The following PTPRD variants were observed in gnomAD, a reference collection of about 807,000 sequenced individuals.
The protein encoded by PTPRD is protein tyrosine phosphatase receptor type D.
A neutral mutation model predicts 214.5 loss-of-function variants in PTPRD; 34 were observed. The ratio of observed to expected loss-of-function variants is 0.16; its 90% CI spans 0.12 to 0.21. The LOEUF is 0.21. Ranked by LOEUF, PTPRD falls within the 10% of genes least tolerant of loss-of-function variation. The pLI, the probability that PTPRD is intolerant of heterozygous loss-of-function variation, is 1.00. For synonymous variants in PTPRD, 1,128 were observed against 845.7 expected (o/e 1.33, Z -5.79); for missense variants, 2,545 against 2,398.7 (o/e 1.06, Z -1.27).
At chr9:9,658,751 G>C (rs1015601329) in intron 7 of PTPRD, among the ~76,000 whole-genome samples, 5 of 152,114 alleles carry the variant, frequency 3.3e-5, no homozygotes, top group African/African-American at 1.2e-4. Context: ...GGCCGGCACT[G>C]CTGGGAAATC....
At position 10,226,495 on chromosome 9, in the gene PTPRD, G is replaced by T. The variant is rs187913299; in HGVS notation, c.-545+114468C>A. Among the ~76,000 whole-genome samples, 4 of 152,156 alleles carry T rather than the reference G, an allele frequency of 2.6e-5. No homozygotes were observed. The East Asian group carries it at 7.8e-4, about 30-fold the overall frequency. On this transcript the variant is annotated intron_variant, in intron 3 of 45. Coordinates refer to ENST00000381196, the MANE Select transcript of PTPRD (RefSeq NM_002839.4). ...AGATCCAGAGACAGAGAGGCTGCAT[G>T]AGGTGAAGCAGTGCAGGAATGAGGC... is the stretch of plus-strand genomic sequence containing the variant.
At chr9:8,752,817 A>G (rs10815931) in intron 11 of PTPRD, among the ~76,000 whole-genome samples, 97,688 of 152,018 alleles carry the variant, frequency 0.64, 31,857 homozygotes, top group Middle Eastern at 0.74. Context: ...CAGCAGAACC[A>G]CCAAGTTGAG....
chr9:8,462,582 T>C (rs1008413413), intron 32 of PTPRD, among the ~76,000 whole-genome samples: 3 of 152,138 alleles, frequency 2.0e-5, no homozygotes, highest in South Asian at 4.1e-4. Context: ...GGCTTCTTGC[T>C]ACTACTCCCT....
At chr9:8,433,797 T>C (rs974342602) in intron 35 of PTPRD, among the ~76,000 whole-genome samples, 4 of 152,188 alleles carry the variant, frequency 2.6e-5, no homozygotes, top group African/African-American at 4.8e-5. Flanking sequence ...TAATCTACTA[T>C]TGAAATAAAC....
chr9:9,097,909 G>A (rs1225447682), intron 10 of PTPRD, among the ~76,000 whole-genome samples: 2 of 152,198 alleles, frequency 1.3e-5, no homozygotes, highest in Admixed American at 6.5e-5. Flanking sequence ...CAATAAAGAT[G>A]TTTCCCTTTG....
intron 11 of PTPRD, among the ~76,000 whole-genome samples, chr9:8,927,983 T>A (rs1310886512): frequency 1.3e-5 from 2 of 152,344 alleles, no homozygotes; most frequent in East Asian, 3.9e-4. Context: ...TTTTCATATT[T>A]GTTGGCCACA....
At chr9:9,878,390 G>T (rs2067548713) in intron 5 of PTPRD, among the ~76,000 whole-genome samples, 1 of 152,126 alleles carries the variant, frequency 6.6e-6, no homozygotes, top group Non-Finnish European at 1.5e-5. Context: ...AGCTATCGTG[G>T]GAGAATTATA....
At chr9:8,351,098 G>A (rs2075316769) in intron 39 of PTPRD, among the ~76,000 whole-genome samples, 1 of 152,086 alleles carries the variant, frequency 6.6e-6, no homozygotes, top group Non-Finnish European at 1.5e-5. Flanking sequence ...ATAAACTATG[G>A]TATATCAATA....
chr9:8,615,127 G>A (rs148198276), intron 14 of PTPRD, among the ~76,000 whole-genome samples: 276 of 152,184 alleles, frequency 1.8e-3, no homozygotes, highest in African/African-American at 6.2e-3. Flanking sequence ...ACTCAGCTTA[G>A]CCACTGAAGC....
At chr9:8,805,593 T>G (rs138350030) in intron 11 of PTPRD, among the ~76,000 whole-genome samples, 1,590 of 151,868 alleles carry the variant, frequency 0.01, 26 homozygotes, top group African/African-American at 0.037. Context: ...CAATTTTTAT[T>G]TTTTATTATT....
intron 2 of PTPRD, among the ~76,000 whole-genome samples, chr9:10,523,608 T>C (rs1590039229): frequency 1.1e-5 from 1 of 92,558 alleles, no homozygotes; most frequent in Admixed American, 1.4e-4. Flanking sequence ...TCTGTATATA[T>C]ATATATATAT....
intron 11 of PTPRD, among the ~76,000 whole-genome samples, chr9:8,986,412 T>G (rs979106208): frequency 6.6e-6 from 1 of 151,882 alleles, no homozygotes; most frequent in Non-Finnish European, 1.5e-5. Flanking sequence ...TTGTTTTCAT[T>G]TTGTATAATT....
At chr9:9,695,184 C>T (rs2097349643) in intron 7 of PTPRD, among the ~76,000 whole-genome samples, 1 of 152,066 alleles carries the variant, frequency 6.6e-6, no homozygotes, top group African/African-American at 2.4e-5. Flanking sequence ...ATGAATCTTG[C>T]CAGGACTGGG....
chr9:8,577,913 C>T (rs1244071789), intron 14 of PTPRD, among the ~76,000 whole-genome samples: 2 of 152,112 alleles, frequency 1.3e-5, no homozygotes, highest in African/African-American at 4.8e-5. Context: ...TTAAGGACCC[C>T]TTTTCTATTG....
intron 11 of PTPRD, among the ~76,000 whole-genome samples, chr9:8,835,765 T>A (rs1212656397): frequency 6.6e-6 from 1 of 152,140 alleles, no homozygotes; most frequent in Non-Finnish European, 1.5e-5. Flanking sequence ...CTTGAACTCC[T>A]GGGCTCAAGT....
intron 9 of PTPRD, among the ~76,000 whole-genome samples, chr9:9,218,151 G>C (rs2099953513): frequency 6.6e-6 from 1 of 152,056 alleles, no homozygotes; most frequent in Non-Finnish European, 1.5e-5. Context: ...GCATCTTTGG[G>C]AATTGCTTCT....
chr9:8,505,624 C>CAAAAA (rs954059567), intron 22 of PTPRD, among the ~76,000 whole-genome samples: 18 of 55,684 alleles, frequency 3.2e-4, no homozygotes, highest in African/African-American at 1.2e-3. Context: ...GACTCTGTCT[C>CAAAAA]AAAAAAAAAA....
chr9:9,244,142 C>G (rs1480431306), intron 9 of PTPRD, among the ~76,000 whole-genome samples: 1 of 152,086 alleles, frequency 6.6e-6, no homozygotes, highest in Non-Finnish European at 1.5e-5. Flanking sequence ...AAAGAGGATA[C>G]AAACAAATGG....
intron 7 of PTPRD, among the ~76,000 whole-genome samples, chr9:9,665,512 T>G (rs1435976793): frequency 2.0e-5 from 3 of 151,770 alleles, no homozygotes; most frequent in African/African-American, 7.2e-5. Flanking sequence ...CTGACATATG[T>G]GAGATCCTAA....
Sources: gnomAD v4.1 joint callset for allele counts (sites outside exome capture counted in the v4.1 genomes callset) on GRCh38, gnomAD v4.1.1 for gene constraint, MANE v1.5 for transcripts, NCBI Gene and HGNC (gene_info 2026-07-23, HGNC 2026-07-21) for gene names.